ADGRB3: variants seen among roughly 807,000 people sequenced by gnomAD.
ADGRB3 encodes the protein adhesion G protein-coupled receptor B3.
Under a neutral mutation model 193.4 loss-of-function variants are expected in ADGRB3, and 37 were observed. That is an observed-to-expected ratio of 0.19 (90% CI 0.15 to 0.25). The LOEUF (loss-of-function observed/expected upper bound fraction) is 0.25, where lower values mean the gene tolerates loss of function less well. Ranked by LOEUF, ADGRB3 falls within the 10% of genes least tolerant of loss-of-function variation. ADGRB3 has a pLI of 1.00. For missense variants in ADGRB3, 1,637 were observed against 1,852.9 expected, an observed-to-expected ratio of 0.88 and a Z score of 2.14; for synonymous variants, 690 against 644.2, an observed-to-expected ratio of 1.07 and a Z score of -1.08.
chr6:68,983,921 G>A (rs907849639), intron 10 of ADGRB3, among the ~76,000 whole-genome samples: 3 of 152,114 alleles, frequency 2.0e-5, no homozygotes, highest in Non-Finnish European at 2.9e-5. Context: ...GAATGCATGA[G>A]ATAAACATGT....
chr6:69,278,100 A>T (rs1169986467), intron 20 of ADGRB3, among the ~76,000 whole-genome samples: 1 of 152,204 alleles, frequency 6.6e-6, no homozygotes, highest in African/African-American at 2.4e-5. Flanking sequence ...CTTTGAGGGA[A>T]AATATTTCTT....
chr6:69,085,955 A>C (rs2150315891), intron 17 of ADGRB3, among the ~76,000 whole-genome samples: 1 of 152,130 alleles, frequency 6.6e-6, no homozygotes, highest in Non-Finnish European at 1.5e-5. Flanking sequence ...GAAAAGTAAT[A>C]GAATAAAAAT....
At chr6:69,018,999 G>A (rs1770181398) in intron 13 of ADGRB3, among the ~76,000 whole-genome samples, 1 of 151,968 alleles carries the variant, frequency 6.6e-6, no homozygotes, top group Admixed American at 6.6e-5. Flanking sequence ...TTAAGATGAT[G>A]GTGCAACTGC....
At chr6:68,991,291 A>G (rs1769229802) in intron 10 of ADGRB3, among the ~76,000 whole-genome samples, 1 of 152,158 alleles carries the variant, frequency 6.6e-6, no homozygotes, top group Admixed American at 6.6e-5. Flanking sequence ...ATGTTGAATA[A>G]GGTTCTAGAT....
chr6:68,804,540 C>T (rs2127372582), intron 3 of ADGRB3, among the ~76,000 whole-genome samples: 1 of 152,196 alleles, frequency 6.6e-6, no homozygotes, highest in Non-Finnish European at 1.5e-5. Flanking sequence ...TCACAGTTCT[C>T]AGCATATTAT....
chr6:69,083,933 C>T (rs1236898171), intron 17 of ADGRB3, among the ~76,000 whole-genome samples: 1 of 152,032 alleles, frequency 6.6e-6, no homozygotes, highest in Non-Finnish European at 1.5e-5. Context: ...TGCCACGACA[C>T]CCAGCTAATT....
At chr6:68,838,107 C>T (rs1768080539) in intron 3 of ADGRB3, among the ~76,000 whole-genome samples, 1 of 152,076 alleles carries the variant, frequency 6.6e-6, no homozygotes, top group Non-Finnish European at 1.5e-5. Flanking sequence ...AAAGGAATGC[C>T]AGGAACTCTG....
intron 3 of ADGRB3, among the ~76,000 whole-genome samples, chr6:68,783,730 A>G (rs1766905284): frequency 6.6e-6 from 1 of 151,966 alleles, no homozygotes; most frequent in Non-Finnish European, 1.5e-5. Flanking sequence ...GAAGCTGTTG[A>G]TGATGGTGTG....
At chr6:68,658,741 C>T (rs922071385) in intron 3 of ADGRB3, among the ~76,000 whole-genome samples, 1 of 151,076 alleles carries the variant, frequency 6.6e-6, no homozygotes, top group African/African-American at 2.4e-5. Flanking sequence ...TCTTAGGTTA[C>T]AGGGGCATAG....
Position 68,662,404 on chromosome 6 carries a change from G to A in ADGRB3, c.757+22972G>A, listed in dbSNP as rs181555824. On this transcript the variant is annotated intron_variant, in intron 3 of 31. Transcript: ENST00000370598. The stretch of plus-strand genomic sequence containing the variant: ...TTAAGTGAAGTTCCCAGGATAGGGC[G>A]AGATTTTGGGTATTATTCCAATTTA... 2.4e-3 allele frequency among the ~76,000 whole-genome samples: 367 copies of A among 151,582 alleles called. 1 individual carries two copies. The highest frequency in any genetic ancestry group is 0.013 in the South Asian group (61 of 4,824).
chr6:68,760,551 C>G (rs1766377896), intron 3 of ADGRB3, among the ~76,000 whole-genome samples: 1 of 152,152 alleles, frequency 6.6e-6, no homozygotes, highest in South Asian at 2.1e-4. Flanking sequence ...GCTATGAAAA[C>G]AAGACAAGGC....
At chr6:68,744,410 T>C (rs992768526) in intron 3 of ADGRB3, among the ~76,000 whole-genome samples, 1 of 152,134 alleles carries the variant, frequency 6.6e-6, no homozygotes, top group African/African-American at 2.4e-5. Context: ...GGATTATAAA[T>C]CATTCTACTA....
At chr6:69,084,539 T>C (rs1772492100) in intron 17 of ADGRB3, among the ~76,000 whole-genome samples, 1 of 152,168 alleles carries the variant, frequency 6.6e-6, no homozygotes, top group Non-Finnish European at 1.5e-5. Context: ...ATATGAATAA[T>C]GATCTGGAAA....
chr6:69,155,442 C>G (rs1774808138), intron 17 of ADGRB3, among the ~76,000 whole-genome samples: 1 of 152,104 alleles, frequency 6.6e-6, no homozygotes, highest in Admixed American at 6.5e-5. Flanking sequence ...CAGGAAAATA[C>G]AAAATTCAAC....
At chr6:69,007,031 G>A (rs1475895878) in intron 11 of ADGRB3, among the ~76,000 whole-genome samples, 1 of 151,960 alleles carries the variant, frequency 6.6e-6, no homozygotes, top group Non-Finnish European at 1.5e-5. Context: ...TCTTTTCTTA[G>A]CTATGTTGTT....
At chr6:68,958,126 A>G (rs1469344747) in intron 8 of ADGRB3, among the ~76,000 whole-genome samples, 1 of 152,060 alleles carries the variant, frequency 6.6e-6, no homozygotes, top group African/African-American at 2.4e-5. Context: ...GCTTGAACCC[A>G]GGAGGTGGAG....
intron 8 of ADGRB3, among the ~76,000 whole-genome samples, chr6:68,966,975 C>T (rs757600298): frequency 1.3e-5 from 2 of 152,060 alleles, no homozygotes; most frequent in South Asian, 4.1e-4. Flanking sequence ...ATAAATCGAC[C>T]TATTTTCTGA....
At chr6:68,939,619 G>T (rs2150249549) in intron 5 of ADGRB3, among the ~76,000 whole-genome samples, 1 of 152,144 alleles carries the variant, frequency 6.6e-6, no homozygotes, top group South Asian at 2.1e-4. Flanking sequence ...ATAAGAATTG[G>T]AATTTTTTCA....
chr6:68,803,162 C>T (rs1767343596), intron 3 of ADGRB3, among the ~76,000 whole-genome samples: 1 of 152,132 alleles, frequency 6.6e-6, no homozygotes, highest in Admixed American at 6.6e-5. Context: ...CCCTTCTAAT[C>T]CTTCTCTACT....
Sources: gnomAD v4.1 joint callset for allele counts (sites outside exome capture counted in the v4.1 genomes callset) on GRCh38, gnomAD v4.1.1 for gene constraint, MANE v1.5 for transcripts, NCBI Gene and HGNC (gene_info 2026-07-23, HGNC 2026-07-21) for gene names.